FRMPD3: variants seen among roughly 807,000 people sequenced by gnomAD.
FRMPD3 encodes the protein FERM and PDZ domain-containing protein 3.
FRMPD3 carries 42 observed loss-of-function variants against 97.9 expected under a neutral mutation model. The ratio of observed to expected loss-of-function variants is 0.43; its 90% confidence interval spans 0.34 to 0.55. FRMPD3 has a LOEUF of 0.55. Ranked by LOEUF, FRMPD3 falls within the 20% of genes least tolerant of loss-of-function variation. The probability of loss-of-function intolerance (pLI) is 0.03; values close to 1 mark genes in which losing one functional copy is unlikely to be tolerated. For missense variants in FRMPD3, 1,303 were observed against 1,457.7 expected, an observed-to-expected ratio of 0.89 and a Z score of 1.73; for synonymous variants, 577 against 581.1, an observed-to-expected ratio of 0.99 and a Z score of 0.10.
intron 1 of FRMPD3, among the ~76,000 whole-genome samples, chrX:107,496,234 A>G (rs951716120): frequency 8.9e-6 from 1 of 112,171 alleles, no homozygotes; most frequent in Non-Finnish European, 1.9e-5. Context: ...TCCCTCTTGC[A>G]GTACTGTGTA....
Position 107,594,385 on chromosome X carries a change from G to A in FRMPD3, c.1442-2936G>A, listed in dbSNP as rs750904017. Among the ~76,000 whole-genome samples the A allele has an allele frequency of 3.3e-3, 370 of 111,729 alleles. 1 individual carries two copies. Among genetic ancestry groups the A allele is most frequent in the Non-Finnish European group, 5.9e-3 (314 of 53,141 alleles). On this transcript the variant is annotated intron_variant, in intron 13 of 14. Coordinates refer to ENST00000683843, the MANE Select transcript of FRMPD3 (RefSeq NM_001388459.1). Reference sequence around the variant, plus strand: ...TTGTCTGATTACTCTGGCTCTTTTAGTTATTTTTAAAAGTACAATTAAGTT... The same window carrying A: ...TTGTCTGATTACTCTGGCTCTTTTAATTATTTTTAAAAGTACAATTAAGTT...
At chrX:107,575,733 G>A (rs1923083127) in intron 12 of FRMPD3, among the ~76,000 whole-genome samples, 1 of 112,531 alleles carries the variant, frequency 8.9e-6, no homozygotes, top group Admixed American at 9.4e-5. Flanking sequence ...TTACAGGCAT[G>A]AGCCACCGCG....
chrX:107,521,218 A>G (rs374050870), intron 1 of FRMPD3, among the ~76,000 whole-genome samples: 3 of 112,679 alleles, frequency 2.7e-5, no homozygotes, highest in African/African-American at 9.7e-5. Flanking sequence ...TCCACAAAAG[A>G]TAACATTTAT....
intron 12 of FRMPD3, among the ~76,000 whole-genome samples, chrX:107,570,525 G>T (rs1023369396): frequency 5.4e-5 from 6 of 111,175 alleles, no homozygotes; most frequent in African/African-American, 1.7e-4. Flanking sequence ...ATTCTGGGGG[G>T]TTGGGGCCCA....
intron 12 of FRMPD3, among the ~76,000 whole-genome samples, chrX:107,573,281 G>A (rs1374344784): frequency 1.8e-5 from 2 of 111,048 alleles, no homozygotes. Context: ...GGATGGCCGC[G>A]ATGTGAAAAC....
intron 1 of FRMPD3, among the ~76,000 whole-genome samples, chrX:107,489,009 C>T (rs1171778044): frequency 2.4e-5 from 2 of 82,990 alleles, no homozygotes; most frequent in Non-Finnish European, 4.6e-5. Context: ...CAACAGTCCC[C>T]GGAGTGTGAT....
chrX:107,593,919 G>A (rs769389501), intron 13 of FRMPD3, among the ~76,000 whole-genome samples: 29 of 111,414 alleles, frequency 2.6e-4, no homozygotes, highest in African/African-American at 9.1e-4. Context: ...GAAAAATGAT[G>A]ATGGCATTTT....
chrX:107,500,201 G>A (rs1267688827), intron 1 of FRMPD3, among the ~76,000 whole-genome samples: 2 of 111,274 alleles, frequency 1.8e-5, no homozygotes, highest in Admixed American at 9.5e-5. Flanking sequence ...GAGGACTGGG[G>A]TGACCTGGAG....
chrX:107,456,583 C>G (rs1434418771), intron 1 of FRMPD3, among the ~76,000 whole-genome samples: 1 of 112,071 alleles, frequency 8.9e-6, no homozygotes, highest in East Asian at 2.8e-4. Context: ...AACAATAATG[C>G]CTTTGTATTA....
At chrX:107,587,560 T>G (rs1394937213) in intron 13 of FRMPD3, among the ~76,000 whole-genome samples, 1 of 111,804 alleles carries the variant, frequency 8.9e-6, no homozygotes, top group African/African-American at 3.3e-5. Context: ...GTCTTTATAT[T>G]TTGGTGTGTT....
intron 4 of FRMPD3, chrX:107,545,527 A>T: frequency 2.7e-6 from 1 of 370,564 alleles, no homozygotes; most frequent in East Asian, 4.4e-5. Flanking sequence ...CCCAAATTCA[A>T]TTCATGCCCA....
At chrX:107,479,865 CAGAG>C (rs1215666846) in intron 1 of FRMPD3, among the ~76,000 whole-genome samples, 6 of 57,886 alleles carry the variant, frequency 1.0e-4, no homozygotes, top group African/African-American at 2.7e-4. Flanking sequence ...CACACACACA[CAGAG>C]AGAGAGAGAG....
rs1241516985 is a variant in FRMPD3, at chrX:107,601,877, C to T, written c.3838C>T (p.Leu1280Phe). The T allele has an allele frequency of 1.7e-6, 2 of 1,208,055 alleles. No homozygotes were observed. Among genetic ancestry groups the T allele is most frequent in the Admixed American group, 4.4e-5 (2 of 45,877 alleles). ...AGCACCTGGCCGCTGCAGCTGCCAG[C>T]TCCGCAGCAGCCCTGTGCAGCAGGG... ...PPAPGRCSCQ[L>F]RSSPVQQGPG... Residue 1280 changes from leucine (L) to phenylalanine (F), a missense_variant, in exon 15 of 15, where the codon CTC becomes TTC. Physicochemically the swap from Leu to Phe is conservative, Grantham distance 22. This residue lies in a region of FRMPD3 where 764 missense variants were observed against 820.2 expected (regional missense o/e 0.93). Coordinates refer to ENST00000683843, the MANE Select transcript of FRMPD3 (RefSeq NM_001388459.1).
intron 1 of FRMPD3, among the ~76,000 whole-genome samples, chrX:107,460,294 T>C (rs1277500410): frequency 8.9e-6 from 1 of 111,892 alleles, no homozygotes; most frequent in Non-Finnish European, 1.9e-5. Flanking sequence ...CTAAGTTTTG[T>C]CATTGGTTTA....
intron 1 of FRMPD3, among the ~76,000 whole-genome samples, chrX:107,515,468 C>A (rs745314348): frequency 9.0e-6 from 1 of 111,173 alleles, no homozygotes; most frequent in African/African-American, 3.3e-5. Flanking sequence ...ACAAGAGCAA[C>A]TCTGCAGAGT....
chrX:107,556,074 G>T (rs1434862088), intron 8 of FRMPD3, among the ~76,000 whole-genome samples: 1 of 111,533 alleles, frequency 9.0e-6, no homozygotes, highest in East Asian at 2.8e-4. Context: ...TTGAGTTTTA[G>T]GTGCCCATAG....
chrX:107,552,952 C>T, intron 7 of FRMPD3, 26 bp downstream of exon 7: 1 of 1,193,346 alleles, frequency 8.4e-7, no homozygotes, highest in South Asian at 1.8e-5. Flanking sequence ...TTACAGATAG[C>T]TTTGCATGTG....
chrX:107,527,549 A>G (rs1319816466), intron 2 of FRMPD3, among the ~76,000 whole-genome samples: 1 of 111,947 alleles, frequency 8.9e-6, no homozygotes, highest in African/African-American at 3.2e-5. Context: ...GCAAAGCCCC[A>G]CCTAAGCTAT....
chrX:107,547,881 A>C (rs1350714549), intron 5 of FRMPD3, among the ~76,000 whole-genome samples: 1 of 111,903 alleles, frequency 8.9e-6, no homozygotes, highest in Non-Finnish European at 1.9e-5. Context: ...CAGTGTGCTA[A>C]ATAAAACCTG....
Sources: allele counts gnomAD v4.1 joint callset (sites outside exome capture counted in the v4.1 genomes callset), GRCh38; gene constraint gnomAD v4.1.1; regional missense constraint gnomAD v4.1.1; transcripts MANE v1.5; gene names NCBI Gene and HGNC (gene_info 2026-07-23, HGNC 2026-07-21).